LRP5: variants seen among roughly 807,000 people sequenced by gnomAD.
The protein encoded by LRP5 is LDL receptor related protein 5.
A neutral mutation model predicts 154.1 loss-of-function variants in LRP5; 62 were observed. The observed-to-expected ratio is 0.40, with a 90% confidence interval of 0.33 to 0.50. The LOEUF (loss-of-function observed/expected upper bound fraction) is 0.50. Among genes scored for constraint, LRP5 ranks in the 20% least tolerant of loss-of-function variants. The pLI is 0.55. For synonymous variants in LRP5, 966 were observed against 1,011.5 expected (o/e 0.96, Z 0.85); for missense variants, 1,915 against 2,336.7 (o/e 0.82, Z 3.72).
At chr11:68,374,035 G>C (rs1297766837) in intron 5 of LRP5, among the ~76,000 whole-genome samples, 1 of 152,198 alleles carries the variant, frequency 6.6e-6, no homozygotes, top group Non-Finnish European at 1.5e-5. Flanking sequence ...GGTGCGGCTT[G>C]GGGATTTGTG....
At chr11:68,359,943 C>T (rs575817667) in intron 3 of LRP5, among the ~76,000 whole-genome samples, 3 of 152,234 alleles carry the variant, frequency 2.0e-5, no homozygotes, top group South Asian at 2.1e-4. Context: ...CCCGCCACCA[C>T]GCCTGGCAAA....
intron 7 of LRP5, among the ~76,000 whole-genome samples, chr11:68,401,879 G>C (rs1310292366): frequency 6.6e-6 from 1 of 152,062 alleles, no homozygotes; most frequent in African/African-American, 2.4e-5. Flanking sequence ...TTTTAGTAGA[G>C]ATAGGGTTTC....
chr11:68,306,709 G>A, the LRP5 span, among the ~76,000 whole-genome samples: 1 of 152,218 alleles, frequency 6.6e-6, no homozygotes, highest in Non-Finnish European at 1.5e-5. Context: ...AAATAAGACT[G>A]CTCTGTGGAC....
intron 9 of LRP5, 103 bp from the exon 10 acceptor site, chr11:68,409,811 T>C (rs2098658383): frequency 2.2e-6 from 2 of 893,624 alleles, no homozygotes; most frequent in Non-Finnish European, 3.6e-6. Context: ...GATCGCACCA[T>C]TGCACTCCAG....
intron 13 of LRP5, among the ~76,000 whole-genome samples, chr11:68,419,183 T>C (rs1591304676): frequency 6.6e-6 from 1 of 152,184 alleles, no homozygotes; most frequent in Admixed American, 6.6e-5. Flanking sequence ...ATTGTTTTTA[T>C]TTTTTATTGT....
chr11:68,384,777 C>G (rs1215439802), intron 5 of LRP5, among the ~76,000 whole-genome samples: 1 of 152,050 alleles, frequency 6.6e-6, no homozygotes, highest in African/African-American at 2.4e-5. Context: ...AATCCTGTAA[C>G]CCCCCACCCC....
rs1591283346 is a variant in LRP5 at position 68,402,632 on chromosome 11, C to G, written c.1585-851C>G. On this transcript the variant is annotated intron_variant, in intron 7 of 22. Transcript: ENST00000294304. The stretch of plus-strand genomic sequence containing the variant: ...GCCCTGCAGTTGCTCATAACTGCCC[C>G]AGGTCCTTATATTTGCTCCAGGTCC... Among the ~76,000 whole-genome samples, 4 of 152,100 alleles carry G rather than the reference C, an allele frequency of 2.6e-5. No homozygotes were observed. The South Asian group carries it at 8.3e-4, about 32-fold the overall frequency.
At chr11:68,333,512 A>G (rs2098604042) in intron 1 of LRP5, among the ~76,000 whole-genome samples, 3 of 152,058 alleles carry the variant, frequency 2.0e-5, no homozygotes. Context: ...GTGCTTTTTC[A>G]AGCATTTCCC....
intron 1 of LRP5, among the ~76,000 whole-genome samples, chr11:68,332,891 A>G (rs1200021508): frequency 6.6e-6 from 1 of 152,138 alleles, no homozygotes. Flanking sequence ...GTGCTTGAAG[A>G]TGTCAGCAAG....
At chr11:68,342,106 T>C (rs1018540383) in intron 1 of LRP5, among the ~76,000 whole-genome samples, 5 of 151,898 alleles carry the variant, frequency 3.3e-5, no homozygotes, top group African/African-American at 1.2e-4. Context: ...AAGAAGTTTT[T>C]GTAGAGATGC....
chr11:68,377,296 G>A (rs1466439816), intron 5 of LRP5, among the ~76,000 whole-genome samples: 3 of 152,190 alleles, frequency 2.0e-5, no homozygotes, highest in African/African-American at 4.8e-5. Context: ...CCTGACCCCA[G>A]GCAGAGCAGC....
chr11:68,365,363 C>G (rs2098630375), intron 4 of LRP5, among the ~76,000 whole-genome samples: 1 of 102,666 alleles, frequency 9.7e-6, no homozygotes, highest in Non-Finnish European at 1.9e-5. Context: ...GGCCGTCTGG[C>G]CAGGCTGAGG....
upstream of LRP5, among the ~76,000 whole-genome samples, chr11:68,308,026 C>T (rs774217843): frequency 2.6e-5 from 4 of 152,234 alleles, no homozygotes; most frequent in Non-Finnish European, 5.9e-5. Context: ...ACCAACCAAG[C>T]CCTCCAGAGC....
At chr11:68,405,762 A>G (rs1293334759) in intron 8 of LRP5, among the ~76,000 whole-genome samples, 2 of 152,248 alleles carry the variant, frequency 1.3e-5, no homozygotes, top group African/African-American at 4.8e-5. Flanking sequence ...ACTGGCCAAA[A>G]ATAAACGAAC....
intron 21 of LRP5, chr11:68,445,656 G>C (rs932667395): frequency 7.6e-7 from 1 of 1,319,172 alleles, no homozygotes; most frequent in South Asian, 1.2e-5. Context: ...TGCATGTTGG[G>C]TTGGGGTGCC....
chr11:68,364,663 G>A (rs1225703005), intron 4 of LRP5, among the ~76,000 whole-genome samples: 2 of 152,188 alleles, frequency 1.3e-5, no homozygotes, highest in Non-Finnish European at 2.9e-5. Context: ...TCTGGGGACA[G>A]TGGCCCACTC....
chr11:68,339,796 C>G (rs312777), intron 1 of LRP5, among the ~76,000 whole-genome samples: 28,020 of 152,124 alleles, frequency 0.18, 3,264 homozygotes, highest in Non-Finnish European at 0.27. Context: ...TGTTAACATG[C>G]GTGTACCTGT....
intron 1 of LRP5, among the ~76,000 whole-genome samples, chr11:68,314,592 G>A (rs2098591595): frequency 6.6e-6 from 1 of 152,184 alleles, no homozygotes; most frequent in Admixed American, 6.5e-5. Flanking sequence ...AGCTGTGAAC[G>A]CACGGAAATG....
chr11:68,355,850 T>C (rs544152101), intron 2 of LRP5, among the ~76,000 whole-genome samples: 15 of 151,228 alleles, frequency 9.9e-5, no homozygotes, highest in African/African-American at 3.6e-4. Context: ...GTTTTATTCT[T>C]TTTTTTTTGA....
Sources: gnomAD v4.1 joint callset for allele counts (sites outside exome capture counted in the v4.1 genomes callset) on GRCh38, gnomAD v4.1.1 for gene constraint, MANE v1.5 for transcripts, NCBI Gene and HGNC (gene_info 2026-07-23, HGNC 2026-07-21) for gene names.